PTPRN2: variants seen among roughly 807,000 people sequenced by gnomAD.
PTPRN2 encodes receptor-type tyrosine-protein phosphatase N2.
A neutral mutation model predicts 118.8 loss-of-function variants in PTPRN2; 74 were observed. That is an observed-to-expected ratio of 0.62 (90% CI 0.52 to 0.76). The LOEUF is 0.76. Among genes scored for constraint, PTPRN2 ranks in the 30% least tolerant of loss-of-function variants. PTPRN2 has a pLI of 0.00. For missense variants in PTPRN2, 1,481 were observed against 1,394.4 expected, an observed-to-expected ratio of 1.06 and a Z score of -0.99; for synonymous variants, 641 against 608.0, an observed-to-expected ratio of 1.05 and a Z score of -0.80.
chr7:158,486,709 C>T (rs1463251906), intron 2 of PTPRN2, among the ~76,000 whole-genome samples: 2 of 152,300 alleles, frequency 1.3e-5, no homozygotes, highest in Non-Finnish European at 2.9e-5. Context: ...CTGAAGCATT[C>T]GATTACGTTA....
intron 12 of PTPRN2, chr7:157,864,767 G>C (rs892046289): frequency 1.3e-5 from 2 of 152,264 alleles, no homozygotes; most frequent in Non-Finnish European, 2.9e-5. Flanking sequence ...CAGTATCTCA[G>C]GACAAAGTGC....
chr7:158,445,405 A>C (rs1295672104), intron 2 of PTPRN2, among the ~76,000 whole-genome samples: 1 of 151,934 alleles, frequency 6.6e-6, no homozygotes, highest in Non-Finnish European at 1.5e-5. Flanking sequence ...CACACTCTAC[A>C]CTGCACAGCA....
At chr7:158,064,214 G>A (rs749617236) in intron 11 of PTPRN2, among the ~76,000 whole-genome samples, 10 of 152,194 alleles carry the variant, frequency 6.6e-5, no homozygotes, top group Admixed American at 2.0e-4. Context: ...CAGGCATCCC[G>A]AGCAAGTTGG....
chr7:158,420,931 G>C (rs1815195636), intron 2 of PTPRN2, among the ~76,000 whole-genome samples: 1 of 152,198 alleles, frequency 6.6e-6, no homozygotes, highest in Non-Finnish European at 1.5e-5. Flanking sequence ...GACGCCCTGG[G>C]TTCCAACAGG....
chr7:158,010,896 C>G (rs906770489), intron 11 of PTPRN2, among the ~76,000 whole-genome samples: 2 of 152,246 alleles, frequency 1.3e-5, no homozygotes, highest in African/African-American at 2.4e-5. Context: ...CTGCTCCCCC[C>G]ACTCCAGATG....
chr7:158,571,297 G>GA (rs5888761), intron 1 of PTPRN2, among the ~76,000 whole-genome samples: 35,209 of 151,386 alleles, frequency 0.23, 4,291 homozygotes, highest in East Asian at 0.42. Context: ...CCAGTCTGAT[G>GA]AAACCCCATC....
chr7:157,987,980 G>C lies in PTPRN2; in HGVS notation c.1724-89243C>G, dbSNP rs1262589363. On this transcript the variant is annotated intron_variant, in intron 11 of 22. Transcript: ENST00000389418. The surrounding 1 kb of genome is among the most constrained non-coding windows in gnomAD (Gnocchi z 4.3). ...GCTCTCCCCACACCTGCCATTCCCT[G>C]CGTTACTGCAGCAGGGATCCAGAGA... 1.3e-5 allele frequency among the ~76,000 whole-genome samples: 2 copies of C among 151,820 alleles called. No individual in the cohort carries two copies. The highest frequency in any genetic ancestry group is 2.4e-5 in the African/African-American group (1 of 41,308).
At chr7:157,938,663 T>C (rs985770487) in intron 11 of PTPRN2, among the ~76,000 whole-genome samples, 1 of 152,280 alleles carries the variant, frequency 6.6e-6, no homozygotes, top group African/African-American at 2.4e-5. Context: ...GTGACGTGTT[T>C]AAGTTGCATT....
At chr7:157,594,574 G>T (rs1801178522) in intron 17 of PTPRN2, among the ~76,000 whole-genome samples, 1 of 152,234 alleles carries the variant, frequency 6.6e-6, no homozygotes, top group African/African-American at 2.4e-5. Flanking sequence ...CTCGGGGTTG[G>T]CTGGTGTGCC....
intron 12 of PTPRN2, among the ~76,000 whole-genome samples, chr7:157,715,353 G>T (rs1207095276): frequency 6.6e-6 from 1 of 152,170 alleles, no homozygotes; most frequent in Non-Finnish European, 1.5e-5. Flanking sequence ...ACACTGGGGT[G>T]CCAGTCCCCC....
At chr7:158,210,992 C>T (rs1256672164) in intron 3 of PTPRN2, among the ~76,000 whole-genome samples, 1 of 152,080 alleles carries the variant, frequency 6.6e-6, no homozygotes, top group Non-Finnish European at 1.5e-5. Flanking sequence ...ACCAAAGACA[C>T]ATCAAAAAAT....
intron 12 of PTPRN2, among the ~76,000 whole-genome samples, chr7:157,720,453 C>A (rs909766436): frequency 5.3e-5 from 8 of 152,258 alleles, no homozygotes; most frequent in Admixed American, 2.0e-4. Flanking sequence ...CAGGACAAAG[C>A]CTTGTTGCAC....
chr7:158,016,321 GTGCCCCGCCGGGCCCAC>G (rs1158926747), intron 11 of PTPRN2, among the ~76,000 whole-genome samples: 2 of 152,194 alleles, frequency 1.3e-5, no homozygotes, highest in African/African-American at 4.8e-5. Flanking sequence ...ACCCCGTCCT[GTGCCCCGCCGGGCCCAC>G]AGCACAGACG....
At chr7:157,912,481 C>T (rs932604829) in intron 11 of PTPRN2, among the ~76,000 whole-genome samples, 2 of 152,086 alleles carry the variant, frequency 1.3e-5, no homozygotes, top group Non-Finnish European at 2.9e-5. Context: ...TCTTAAAGTT[C>T]CTGGTTTTAA....
At chr7:158,340,575 T>C (rs1323723706) in intron 2 of PTPRN2, among the ~76,000 whole-genome samples, 2 of 116,924 alleles carry the variant, frequency 1.7e-5, no homozygotes, top group Admixed American at 8.8e-5. Context: ...AATCTCACCA[T>C]AAGAGCCGAC....
intron 22 of PTPRN2, among the ~76,000 whole-genome samples, chr7:157,544,945 GGT>G (rs1344548517): frequency 3.1e-5 from 4 of 127,246 alleles, no homozygotes; most frequent in Admixed American, 3.0e-4. Flanking sequence ...TGTACAGGTG[GGT>G]GTGTGGATGT....
rs1056139179 is a variant in PTPRN2 at position 157,676,600 on chromosome 7, T to G, written c.2001+6125A>C. ...AGCCCGGGCCAGCCCCTCAACACCC[T>G]GCAGTGGGGACAGCGCAGCTGGGGA... On this transcript the variant is annotated intron_variant, in intron 13 of 22. Transcript: ENST00000389418. The surrounding 1 kb of genome is among the most constrained non-coding windows in gnomAD (Gnocchi z 5.6). 6.6e-6 allele frequency among the ~76,000 whole-genome samples: 1 copy of G among 152,238 alleles called. No individual in the cohort carries two copies. Among genetic ancestry groups the G allele is most frequent in the Non-Finnish European group, 1.5e-5 (1 of 68,032 alleles).
intron 12 of PTPRN2, among the ~76,000 whole-genome samples, chr7:157,685,237 C>T (rs1008985545): frequency 2.0e-5 from 3 of 151,946 alleles, no homozygotes; most frequent in Non-Finnish European, 4.4e-5. Flanking sequence ...CCATCCGCCC[C>T]AGCGCGGAGG....
chr7:157,733,213 C>T (rs374250857), intron 12 of PTPRN2, among the ~76,000 whole-genome samples: 1 of 29,568 alleles, frequency 3.4e-5, no homozygotes, highest in African/African-American at 1.7e-4. Flanking sequence ...TACCCTTTCC[C>T]GTCCCACGCG....
Sources: allele counts gnomAD v4.1 joint callset (sites outside exome capture counted in the v4.1 genomes callset), GRCh38; gene constraint gnomAD v4.1.1; non-coding constraint Gnocchi (gnomAD v3.1); transcripts MANE v1.5; gene names NCBI Gene and HGNC (gene_info 2026-07-23, HGNC 2026-07-21).